ETFBKMT: variants seen among roughly 807,000 people sequenced by gnomAD.
ETFBKMT encodes the protein electron transfer flavoprotein beta subunit lysine methyltransferase.
Under a neutral mutation model 18.3 loss-of-function variants are expected in ETFBKMT, and 13 were observed. The observed-to-expected ratio is 0.71, with a 90% CI of 0.46 to 1.13. ETFBKMT has a LOEUF of 1.13. Among genes scored for constraint, ETFBKMT ranks in the 50% most tolerant of loss-of-function variants. The pLI is 0.00. For synonymous variants in ETFBKMT, 84 were observed against 107.9 expected (o/e 0.78, Z 1.37); for missense variants, 293 against 306.2 (o/e 0.96, Z 0.32).
intron 1 of ETFBKMT, among the ~76,000 whole-genome samples, chr12:31,648,557 C>CTTTTTT (rs764501978): frequency 3.9e-4 from 32 of 82,980 alleles, no homozygotes; most frequent in East Asian, 1.5e-3. Context: ...AGATGGGTTT[C>CTTTTTT]TTTTTTTTTT....
At chr12:31,664,393 G>C (rs1951167217) in intron 2 of ETFBKMT, among the ~76,000 whole-genome samples, 1 of 152,032 alleles carries the variant, frequency 6.6e-6, no homozygotes, top group Non-Finnish European at 1.5e-5. Flanking sequence ...TTTAGTCTTT[G>C]TTTTAGCAGT....
chr12:31,657,566 G>C (rs1592133302), upstream of ETFBKMT, among the ~76,000 whole-genome samples: 2 of 152,140 alleles, frequency 1.3e-5, no homozygotes, highest in East Asian at 3.9e-4. Flanking sequence ...GGCCGAGGTG[G>C]GCGGATCACG....
chr12:31,653,917 C>G (rs1255243327), intron 1 of ETFBKMT, among the ~76,000 whole-genome samples: 3 of 152,062 alleles, frequency 2.0e-5, no homozygotes, highest in African/African-American at 7.2e-5. Context: ...TACTGCACTC[C>G]ATCCTGGGTG....
In ETFBKMT at chr12:31,648,557, C is replaced by CTTTT. The variant is rs764501978; in HGVS notation, c.-114+1323_-114+1326dup. Among the ~76,000 whole-genome samples, 168 of 82,978 alleles carry CTTTT rather than the reference C, an allele frequency of 2.0e-3. 6 individuals are homozygous for CTTTT. The highest frequency in any genetic ancestry group is 8.2e-3 in the Middle Eastern group (1 of 122). 54.4% of individuals were successfully genotyped at this position (82,978 alleles called of 152,430 possible). Reference sequence around the variant, plus strand: ...TTATATTTTTAGTAGAGATGGGTTTCTTTTTTTTTTTTTTTTTTTTTTTTG... The same window carrying CTTTT: ...TTATATTTTTAGTAGAGATGGGTTTCTTTTTTTTTTTTTTTTTTTTTTTTTTTTG... On this transcript the variant is annotated intron_variant, in intron 1 of 3. Coordinates refer to the ETFBKMT transcript ENST00000412352.
Position 31,666,166 on chromosome 12 carries a change from G to A in ETFBKMT, c.394G>A (p.Ala132Thr). 1 of 1,614,140 alleles carries A rather than the reference G, an allele frequency of 6.2e-7. No homozygotes were observed. The highest frequency in any genetic ancestry group is 8.5e-7 in the Non-Finnish European group (1 of 1,179,980). The change falls in exon 3 of 4, where the codon GCT becomes ACT. Residue 132 changes from alanine (A) to threonine (T), a missense_variant. Ala to Thr is a moderately conservative substitution (Grantham distance 58). Coordinates refer to ENST00000357721, the MANE Select transcript of ETFBKMT (RefSeq NM_001135863.2). ...LGSGCGATAI[A>T]AKMSGASRIL... Reference sequence around the variant, plus strand: ...GAGTGGATGTGGAGCTACAGCTATTGCTGCTAAGATGAGTGGGGCATCAAG... The same window carrying A: ...GAGTGGATGTGGAGCTACAGCTATTACTGCTAAGATGAGTGGGGCATCAAG...
chr12:31,667,167 G>T (rs1347288295), intron 3 of ETFBKMT, among the ~76,000 whole-genome samples: 6 of 151,844 alleles, frequency 4.0e-5, no homozygotes, highest in African/African-American at 1.5e-4. Context: ...GCTAATTTTT[G>T]TATTTTTATT....
At chr12:31,654,894 A>G (rs182122492), upstream of ETFBKMT, among the ~76,000 whole-genome samples, 8 of 152,100 alleles carry the variant, frequency 5.3e-5, no homozygotes, top group East Asian at 1.4e-3. Flanking sequence ...TGTCTCTACT[A>G]AAAATATAAA....
rs189450081 is a variant in ETFBKMT at position 31,662,318 on chromosome 12, G to C, written c.314+51G>C. 45 of 1,558,658 alleles carry C rather than the reference G, an allele frequency of 2.9e-5. No individual in the cohort carries two copies. The East Asian group carries it at 9.7e-4, about 34-fold the overall frequency. On this transcript the variant is annotated intron_variant, in intron 2 of 3. Coordinates refer to ENST00000357721, the MANE Select transcript of ETFBKMT (RefSeq NM_001135863.2). ...GCGCTACAGATCTTTGCTGTTTTCA[G>C]TTCCCTCCAACCTCTACAAAAAACC...
chr12:31,667,090 GT>G (rs1565751807), intron 3 of ETFBKMT, among the ~76,000 whole-genome samples: 1 of 151,736 alleles, frequency 6.6e-6, no homozygotes, highest in African/African-American at 2.4e-5. Context: ...CACCTCGTGG[GT>G]TCAAGTGATT....
chr12:31,649,009 G>A (rs1445916112), intron 1 of ETFBKMT, among the ~76,000 whole-genome samples: 2 of 137,450 alleles, frequency 1.5e-5, no homozygotes, highest in South Asian at 2.5e-4. Context: ...ACGGAGTCTC[G>A]CTTTGTCACC....
upstream of ETFBKMT, among the ~76,000 whole-genome samples, chr12:31,654,588 A>C (rs1951044463): frequency 6.6e-6 from 1 of 152,234 alleles, no homozygotes; most frequent in Non-Finnish European, 1.5e-5. Flanking sequence ...AACACTACTT[A>C]GCAATATAAA....
intron 2 of ETFBKMT, 72 bp from the exon 3 acceptor site, chr12:31,666,015 A>G: frequency 7.0e-7 from 1 of 1,423,522 alleles, no homozygotes; most frequent in East Asian, 2.5e-5. Context: ...TTATGGCCAG[A>G]TTTTGGGGGG....
Position 31,668,056 on chromosome 12 carries a change from T to C in ETFBKMT, c.*66T>C. On this transcript the variant is annotated 3_prime_UTR_variant, in exon 4 of 4. Transcript: ENST00000357721. ...GATCTGACTCTAAAAGTTTTCTCTA[T>C]AGGAGATACTCTCCAGTTTAATGAA... The C allele has an allele frequency of 8.2e-7, 1 of 1,224,134 alleles. No homozygotes were observed. Among genetic ancestry groups the C allele is most frequent in the South Asian group, 1.5e-5 (1 of 68,788 alleles). The allele number at this position is 1,224,134 out of a possible 1,614,324, so 75.8% of individuals were successfully genotyped here.
chr12:31,650,205 A>G (rs1220669933), intron 1 of ETFBKMT, among the ~76,000 whole-genome samples: 1 of 151,756 alleles, frequency 6.6e-6, no homozygotes, highest in Non-Finnish European at 1.5e-5. Context: ...TGCTGATCAA[A>G]CAGGTTGCAG....
Position 31,672,423 on chromosome 12 carries a change from G to T in ETFBKMT, c.*4433G>T. ...AATATATTAATTGACAATAAAAAATGTTTAATGTTTCCTCATGTCTAACTG... is the reference window on the plus strand; with the variant it reads ...AATATATTAATTGACAATAAAAAATTTTTAATGTTTCCTCATGTCTAACTG... On this transcript the variant is annotated 3_prime_UTR_variant, in exon 4 of 4. Transcript: ENST00000357721. 1.5e-6 allele frequency: 2 copies of T among 1,334,978 alleles called. No individual in the cohort carries two copies. The highest frequency in any genetic ancestry group is 2.1e-6 in the Non-Finnish European group (2 of 950,876). The allele number at this position is 1,334,978 out of a possible 1,614,324, so 82.7% of individuals were successfully genotyped here.
chr12:31,655,234 AT>A (rs746285039), upstream of ETFBKMT, among the ~76,000 whole-genome samples: 1 of 152,220 alleles, frequency 6.6e-6, no homozygotes, highest in African/African-American at 2.4e-5. Flanking sequence ...CCCCAAACTC[AT>A]TATGCCAAAG....
At chr12:31,650,660 TTTC>T (rs1951009750) in intron 1 of ETFBKMT, among the ~76,000 whole-genome samples, 1 of 137,918 alleles carries the variant, frequency 7.3e-6, no homozygotes, top group Non-Finnish European at 1.5e-5. Context: ...CACTCTGGCT[TTTC>T]TGTTGAGAAG....
chr12:31,666,261 T>C (rs766560998), intron 3 of ETFBKMT, 44 bp downstream of exon 3: 2 of 1,577,738 alleles, frequency 1.3e-6, no homozygotes, highest in Non-Finnish European at 1.7e-6. Flanking sequence ...ATCTTTTTTT[T>C]TTCTCTGGGA....
intron 1 of ETFBKMT, 23 bp from the exon 2 acceptor site, chr12:31,661,818 A>G (rs780831045): frequency 2.6e-4 from 198 of 775,922 alleles, no homozygotes; most frequent in Middle Eastern, 7.9e-4. Flanking sequence ...AATTCTCAGT[A>G]TTACTTTTCT....
Sources: allele counts gnomAD v4.1 joint callset (sites outside exome capture counted in the v4.1 genomes callset), GRCh38; gene constraint gnomAD v4.1.1; transcripts MANE v1.5; gene names NCBI Gene and HGNC (gene_info 2026-07-23, HGNC 2026-07-21).